RELN: variants seen among roughly 807,000 people sequenced by gnomAD.
RELN encodes reelin.
A neutral mutation model predicts 427.6 loss-of-function variants in RELN; 108 were observed. The observed-to-expected ratio is 0.25, with a 90% CI of 0.22 to 0.30. The LOEUF is 0.30. RELN is among the 10% of genes least tolerant of loss of function. The probability of loss-of-function intolerance (pLI) is 1.00; values close to 1 mark genes in which losing one functional copy is unlikely to be tolerated. For missense variants in RELN, 3,715 were observed against 4,302.8 expected, an observed-to-expected ratio of 0.86 and a Z score of 3.82; for synonymous variants, 1,524 against 1,513.4, an observed-to-expected ratio of 1.01 and a Z score of -0.16.
intron 2 of RELN, among the ~76,000 whole-genome samples, chr7:103,887,323 G>C (rs1794745689): frequency 1.3e-5 from 2 of 152,142 alleles, no homozygotes; most frequent in Non-Finnish European, 2.9e-5. Context: ...CCTCAGGAGG[G>C]TCTCGGTTCA....
chr7:103,903,255 AGACCCAT>A (rs1029787627), intron 2 of RELN, among the ~76,000 whole-genome samples: 23 of 151,564 alleles, frequency 1.5e-4, no homozygotes, highest in African/African-American at 5.3e-4. Context: ...TTATCAGCAA[AGACCCAT>A]GATTCCTAAG....
At chr7:103,519,084 TCACC>T (rs1210510080) in intron 49 of RELN, among the ~76,000 whole-genome samples, 2 of 152,212 alleles carry the variant, frequency 1.3e-5, no homozygotes, top group African/African-American at 2.4e-5. Context: ...CTGGGTTTAT[TCACC>T]GTTGGCATTG....
Position 103,748,132 on chromosome 7 carries a change from T to C in RELN, c.656+1294A>G, listed in dbSNP as rs1355133585. Among the ~76,000 whole-genome samples the C allele has an allele frequency of 1.2e-4, 17 of 136,570 alleles. No homozygotes were observed. The Admixed American group carries it at 1.3e-3, about 11-fold the overall frequency. 89.6% of individuals were successfully genotyped at this position (136,570 alleles called of 152,430 possible). ...ACTTTTCCTGGGTAAAAGTGCTACT[T>C]AGAAAGGTTTTTTTTTTTTTTTGGC... On this transcript the variant is annotated intron_variant, in intron 6 of 64. Transcript: ENST00000428762.
At position 103,945,504 on chromosome 7, in the gene RELN, C is replaced by G. The variant is rs77374251; in HGVS notation, c.227-28319G>C. On this transcript the variant is annotated intron_variant, in intron 1 of 64. Transcript: ENST00000428762. ...CTTCAGGCCTTCATGTATGGTCCCCCTCCCTGCAAAGAATGCTCTTCCTTC... is the reference window on the plus strand; with the variant it reads ...CTTCAGGCCTTCATGTATGGTCCCCGTCCCTGCAAAGAATGCTCTTCCTTC... 4.8e-3 allele frequency among the ~76,000 whole-genome samples: 737 copies of G among 152,234 alleles called. 5 individuals carry two copies. Among genetic ancestry groups the G allele is most frequent in the African/African-American group, 0.017 (707 of 41,548 alleles).
At chr7:103,987,192 T>C (rs890293780) in intron 1 of RELN, among the ~76,000 whole-genome samples, 2 of 152,026 alleles carry the variant, frequency 1.3e-5, no homozygotes, top group Non-Finnish European at 2.9e-5. Flanking sequence ...TCAAAGCTTA[T>C]AATAATTTGA....
intron 2 of RELN, among the ~76,000 whole-genome samples, chr7:103,890,440 A>C (rs3915119): frequency 0.52 from 78,625 of 151,892 alleles, 21,252 homozygotes; most frequent in East Asian, 0.77. Context: ...AGATCAGCAG[A>C]AGCATTAGAT....
chr7:103,631,469 T>G (rs1221598426), intron 19 of RELN, among the ~76,000 whole-genome samples: 1 of 152,012 alleles, frequency 6.6e-6, no homozygotes, highest in East Asian at 1.9e-4. Context: ...AATGTTTGTA[T>G]TTTTAGTAGA....
chr7:103,504,820 T>G (rs1009359567), intron 51 of RELN, among the ~76,000 whole-genome samples: 1 of 152,152 alleles, frequency 6.6e-6, no homozygotes, highest in East Asian at 1.9e-4. Flanking sequence ...CAAGGTAAGA[T>G]TCACTGGCTT....
chr7:103,546,768 T>A (rs1051313463), intron 41 of RELN, among the ~76,000 whole-genome samples: 1 of 152,200 alleles, frequency 6.6e-6, no homozygotes. Flanking sequence ...GTTTGTGGCA[T>A]GTAATTTGTT....
At chr7:103,581,454 G>A (rs1447828923) in intron 28 of RELN, among the ~76,000 whole-genome samples, 2 of 152,148 alleles carry the variant, frequency 1.3e-5, no homozygotes, top group African/African-American at 4.8e-5. Context: ...ACCTGATGGA[G>A]ATAATACAAC....
intron 3 of RELN, among the ~76,000 whole-genome samples, chr7:103,801,152 C>T (rs1312705203): frequency 6.6e-6 from 1 of 152,174 alleles, no homozygotes; most frequent in Non-Finnish European, 1.5e-5. Flanking sequence ...ACTAGTTCAA[C>T]CATTGTGGAA....
chr7:103,769,634 T>C (rs1281773543), intron 4 of RELN, among the ~76,000 whole-genome samples: 1 of 152,176 alleles, frequency 6.6e-6, no homozygotes, highest in African/African-American at 2.4e-5. Context: ...CCACTAGCAT[T>C]CTCTCCTCAG....
chr7:103,723,464 G>A lies in RELN; in HGVS notation c.754-273C>T, dbSNP rs936018903. 7.8e-4 allele frequency among the ~76,000 whole-genome samples: 119 copies of A among 152,200 alleles called. 1 individual carries two copies. Among genetic ancestry groups the A allele is most frequent in the African/African-American group, 2.8e-3 (116 of 41,564 alleles). On this transcript the variant is annotated intron_variant, in intron 7 of 64. Transcript: ENST00000428762. ...GTCCTTTCACAAACTGTTCTTAGTG[G>A]AATCCAGCAGGTTATCTTGTGAAGG...
At chr7:103,783,346 C>A (rs900465304) in intron 3 of RELN, among the ~76,000 whole-genome samples, 7 of 151,850 alleles carry the variant, frequency 4.6e-5, no homozygotes, top group African/African-American at 1.7e-4. Flanking sequence ...AAACTCGCTT[C>A]AAAACCCATA....
chr7:103,624,109 C>G (rs1041992952), intron 20 of RELN, among the ~76,000 whole-genome samples: 5 of 152,110 alleles, frequency 3.3e-5, no homozygotes, highest in African/African-American at 1.2e-4. Flanking sequence ...CTTTTAGGAT[C>G]CTTTTTAATC....
chr7:103,578,762 A>G (rs1831060053), intron 28 of RELN, among the ~76,000 whole-genome samples: 1 of 152,232 alleles, frequency 6.6e-6, no homozygotes, highest in African/African-American at 2.4e-5. Context: ...GCTAAAGTTA[A>G]GTTAATAAGT....
intron 2 of RELN, among the ~76,000 whole-genome samples, chr7:103,849,345 C>T (rs1793759048): frequency 6.6e-6 from 1 of 152,080 alleles, no homozygotes; most frequent in Admixed American, 6.5e-5. Context: ...CTTGCCTATC[C>T]TTCTCACCAC....
intron 3 of RELN, among the ~76,000 whole-genome samples, chr7:103,785,659 C>G (rs549687016): frequency 1.3e-5 from 2 of 152,104 alleles, no homozygotes; most frequent in South Asian, 4.1e-4. Context: ...TGGGTTTGCA[C>G]CACAGCTCAA....
At chr7:103,711,090 C>A (rs899645011) in intron 8 of RELN, among the ~76,000 whole-genome samples, 1 of 151,778 alleles carries the variant, frequency 6.6e-6, no homozygotes, top group Non-Finnish European at 1.5e-5. Context: ...GAGTACACAG[C>A]CAAAAAGATA....
Sources: gnomAD v4.1 joint callset for allele counts (sites outside exome capture counted in the v4.1 genomes callset) on GRCh38, gnomAD v4.1.1 for gene constraint, MANE v1.5 for transcripts, NCBI Gene and HGNC (gene_info 2026-07-23, HGNC 2026-07-21) for gene names.